PAPSS1: variants seen among roughly 807,000 people sequenced by gnomAD.
PAPSS1 encodes the protein bifunctional 3'-phosphoadenosine 5'-phosphosulfate synthase 1.
PAPSS1 carries 50 observed loss-of-function variants against 72.0 expected under a neutral mutation model. The ratio of observed to expected loss-of-function variants is 0.69; its 90% CI spans 0.55 to 0.88. PAPSS1 has a LOEUF of 0.88. PAPSS1 is among the 40% of genes least tolerant of loss of function. The probability of loss-of-function intolerance (pLI) is 0.00; values close to 1 mark genes in which losing one functional copy is unlikely to be tolerated. For synonymous variants in PAPSS1, 261 were observed against 263.6 expected (o/e 0.99, Z 0.09); for missense variants, 657 against 782.2 (o/e 0.84, Z 1.91).
intron 11 of PAPSS1, among the ~76,000 whole-genome samples, chr4:107,616,722 G>A (rs942574752): frequency 6.6e-6 from 1 of 152,158 alleles, no homozygotes; most frequent in Non-Finnish European, 1.5e-5. Context: ...AACAAATTAA[G>A]AATGGGTCTT....
At chr4:107,719,241 T>A (rs1304084963) in intron 1 of PAPSS1, among the ~76,000 whole-genome samples, 1 of 150,974 alleles carries the variant, frequency 6.6e-6, no homozygotes, top group Non-Finnish European at 1.5e-5. Flanking sequence ...AGACATTGCA[T>A]TTAAACCTTA....
At chr4:107,701,319 C>A (rs13110240) in intron 1 of PAPSS1, 34 bp from the exon 2 acceptor site, 1 of 1,433,530 alleles carries the variant, frequency 7.0e-7, no homozygotes. Context: ...TTCTAGTTTA[C>A]ATGAGTCCTT....
chr4:107,651,106 A>T (rs962050639), intron 9 of PAPSS1, among the ~76,000 whole-genome samples: 10 of 152,256 alleles, frequency 6.6e-5, no homozygotes, highest in Non-Finnish European at 1.3e-4. Context: ...TATAGCACTC[A>T]AAGAAGTTTC....
intron 1 of PAPSS1, among the ~76,000 whole-genome samples, chr4:107,704,325 T>C (rs1316730766): frequency 6.6e-6 from 1 of 152,220 alleles, no homozygotes; most frequent in Non-Finnish European, 1.5e-5. Flanking sequence ...CCAATTTGGA[T>C]GCCTTTTATT....
Position 107,693,817 on chromosome 4 carries a change from T to A in PAPSS1, c.365A>T (p.Asp122Val). Residue 122 changes from aspartate (D) to valine (V), a missense_variant, in exon 3 of 12, where the codon GAT becomes GTT. By Grantham distance (152) the Asp-to-Val change is radical. Around this residue, in one of 7 missense-constraint regions of PAPSS1, gnomAD observed 119 missense variants for 171.1 expected, o/e 0.70. Coordinates refer to ENST00000265174, the MANE Select transcript of PAPSS1 (RefSeq NM_005443.5). ...ACTTGTGATGCACACTAAGCCAGCA[T>A]CTGCAAACAGTTTAGCAACTTCTGC... Reference protein sequence around the residue: ...RIAEVAKLFADAGLVCITSFI... With the variant: ...RIAEVAKLFAVAGLVCITSFI... 1 of 1,613,934 alleles carries A rather than the reference T, an allele frequency of 6.2e-7. No homozygotes were observed. The highest frequency in any genetic ancestry group is 8.5e-7 in the Non-Finnish European group (1 of 1,179,854).
intron 1 of PAPSS1, among the ~76,000 whole-genome samples, chr4:107,714,260 G>A (rs993246415): frequency 2.6e-5 from 4 of 151,770 alleles, no homozygotes; most frequent in Non-Finnish European, 4.4e-5. Flanking sequence ...TCCATCCACC[G>A]ACCCCCACCC....
At chr4:107,685,558 A>G (rs1337677761) in intron 4 of PAPSS1, among the ~76,000 whole-genome samples, 1 of 152,184 alleles carries the variant, frequency 6.6e-6, no homozygotes, top group African/African-American at 2.4e-5. Flanking sequence ...TTTTCCTCCA[A>G]TTGTCATAAT....
At chr4:107,644,589 G>A (rs1485055318) in intron 10 of PAPSS1, among the ~76,000 whole-genome samples, 1 of 152,194 alleles carries the variant, frequency 6.6e-6, no homozygotes, top group East Asian at 1.9e-4. Context: ...CCAAGACCCA[G>A]AAGAGCAAGT....
intron 1 of PAPSS1, among the ~76,000 whole-genome samples, chr4:107,702,746 T>C (rs1364831148): frequency 6.6e-6 from 1 of 152,228 alleles, no homozygotes; most frequent in African/African-American, 2.4e-5. Flanking sequence ...AATCCATTTA[T>C]CAACTGGTCA....
chr4:107,635,620 T>C (rs764496169), intron 10 of PAPSS1, among the ~76,000 whole-genome samples: 1 of 151,964 alleles, frequency 6.6e-6, no homozygotes, highest in African/African-American at 2.4e-5. Context: ...GAGGCAATTA[T>C]AGGAAACAAA....
rs145379169 is a variant in PAPSS1, at chr4:107,613,905, G to GA, written c.*343dup. On this transcript the variant is annotated 3_prime_UTR_variant, in exon 12 of 12. Coordinates refer to ENST00000265174, the MANE Select transcript of PAPSS1 (RefSeq NM_005443.5). ...GGTAATTTTTTTCTTTTTTTAAGGG[G>GA]AAAAAAAGCAAGATTTAATGTGAAT... 6,172 of 158,770 alleles carry GA rather than the reference G, an allele frequency of 0.039. 148 individuals are homozygous for GA. Among genetic ancestry groups the GA allele is most frequent in the African/African-American group, 0.064 (2,659 of 41,424 alleles). The allele number at this position is 158,770 out of a possible 1,614,324, so 9.8% of individuals were successfully genotyped here. A position where few individuals can be genotyped will look rare whatever the true frequency, so the allele number is the denominator to read the frequency against.
chr4:107,616,012 C>T (rs1484169520), intron 11 of PAPSS1, among the ~76,000 whole-genome samples: 1 of 152,130 alleles, frequency 6.6e-6, no homozygotes, highest in Non-Finnish European at 1.5e-5. Context: ...GTCATCTAAG[C>T]CTTCCAGGCT....
intron 5 of PAPSS1, among the ~76,000 whole-genome samples, chr4:107,670,218 T>G (rs1441750490): frequency 6.6e-6 from 1 of 152,170 alleles, no homozygotes; most frequent in Non-Finnish European, 1.5e-5. Flanking sequence ...TTCTTATCTA[T>G]CCTTCTTTTT....
At chr4:107,650,967 C>T (rs1726823749) in intron 9 of PAPSS1, among the ~76,000 whole-genome samples, 1 of 152,164 alleles carries the variant, frequency 6.6e-6, no homozygotes, top group Admixed American at 6.5e-5. Flanking sequence ...ACCCTTAAAT[C>T]ACACACTGAC....
chr4:107,648,231 G>C (rs945756539), intron 9 of PAPSS1, among the ~76,000 whole-genome samples: 2 of 152,192 alleles, frequency 1.3e-5, no homozygotes, highest in African/African-American at 4.8e-5. Context: ...AAGTTTTTCT[G>C]AGCATATATG....
At chr4:107,663,935 G>T (rs1195203901) in intron 5 of PAPSS1, among the ~76,000 whole-genome samples, 2 of 152,150 alleles carry the variant, frequency 1.3e-5, no homozygotes, top group Non-Finnish European at 2.9e-5. Flanking sequence ...TAATTCCCAA[G>T]TTTTTAGTCA....
intron 7 of PAPSS1, 124 bp downstream of exon 7, chr4:107,656,772 T>TA (rs1560574438): frequency 8.8e-6 from 6 of 679,386 alleles, no homozygotes; most frequent in East Asian, 2.7e-5. Flanking sequence ...TGATATAACT[T>TA]AGTCTTATAA....
At chr4:107,683,985 T>A (rs4956124) in intron 4 of PAPSS1, among the ~76,000 whole-genome samples, 2 of 150,778 alleles carry the variant, frequency 1.3e-5, no homozygotes, top group African/African-American at 4.9e-5. Flanking sequence ...CAAACACACA[T>A]TAACCTAAGG....
intron 11 of PAPSS1, among the ~76,000 whole-genome samples, chr4:107,627,635 T>A (rs1390674578): frequency 6.6e-6 from 1 of 152,198 alleles, no homozygotes. Context: ...CTCAAAACTT[T>A]TTTACTTCCC....
Sources: allele counts gnomAD v4.1 joint callset (sites outside exome capture counted in the v4.1 genomes callset), GRCh38; gene constraint gnomAD v4.1.1; regional missense constraint gnomAD v4.1.1; transcripts MANE v1.5; gene names NCBI Gene and HGNC (gene_info 2026-07-23, HGNC 2026-07-21).